The following NASP variants were observed in gnomAD, a reference collection of about 807,000 sequenced individuals.
NASP encodes nuclear autoantigenic sperm protein, also known as NASP histone chaperone.
In NASP, 24 loss-of-function variants were observed where a neutral mutation model predicts 89.5. The ratio of observed to expected loss-of-function variants is 0.27; its 90% confidence interval spans 0.19 to 0.38. The LOEUF (loss-of-function observed/expected upper bound fraction) is 0.38. NASP is among the 10% of genes least tolerant of loss of function. The pLI, the probability that NASP is intolerant of heterozygous loss-of-function variation, is 1.00. For synonymous variants in NASP, 306 were observed against 324.7 expected (o/e 0.94, Z 0.62); for missense variants, 848 against 921.4 (o/e 0.92, Z 1.03).
At chr1:45,614,809 T>C (rs1644074722) in intron 9 of NASP, among the ~76,000 whole-genome samples, 1 of 152,188 alleles carries the variant, frequency 6.6e-6, no homozygotes, top group African/African-American at 2.4e-5. Context: ...AGTGCTGGGA[T>C]TACAGGTGTG....
At position 45,587,661 on chromosome 1, in the gene NASP, C is replaced by CATATATATATATATATATATATATATAT. The variant is rs1553169239; in HGVS notation, c.59+3483_59+3484insTATATATATATATATATATATATATATA. ...CTATGAGGTTTGTCTTGAGTTTTTTCATATATATATATATATATATATATA... is the reference window on the plus strand; with the variant it reads ...CTATGAGGTTTGTCTTGAGTTTTTTCATATATATATATATATATATATATATATATATATATATATATATATATATATA... On this transcript the variant is annotated intron_variant, in intron 1 of 14. Transcript: ENST00000350030. 1.3e-3 allele frequency among the ~76,000 whole-genome samples: 8 copies of CATATATATATATATATATATATATATAT among 6,388 alleles called. 2 individuals are homozygous for CATATATATATATATATATATATATATAT. The highest frequency in any genetic ancestry group is 3.6e-3 in the African/African-American group (5 of 1,380). The allele number at this position is 6,388 out of a possible 152,430, so 4.2% of individuals were successfully genotyped here.
At chr1:45,594,029 CA>C (rs1164374375) in intron 2 of NASP, among the ~76,000 whole-genome samples, 36 of 139,452 alleles carry the variant, frequency 2.6e-4, no homozygotes, top group Admixed American at 3.6e-4. Flanking sequence ...ACCCTGTCTC[CA>C]AAAAAAAAAG....
At chr1:45,589,475 C>T (rs1173766325) in intron 1 of NASP, among the ~76,000 whole-genome samples, 3 of 152,148 alleles carry the variant, frequency 2.0e-5, no homozygotes, top group Non-Finnish European at 2.9e-5. Context: ...CAAGTAATTT[C>T]CCTATCATTT....
chr1:45,613,122 A>G (rs1310856018), intron 6 of NASP, 47 bp from the exon 7 acceptor site: 16 of 1,575,278 alleles, frequency 1.0e-5, no homozygotes, highest in Non-Finnish European at 1.1e-5. Context: ...ACTAGTCAGA[A>G]TACGTTCTTA....
intron 2 of NASP, 78 bp from the exon 3 acceptor site, chr1:45,602,175 CTA>C: frequency 6.7e-7 from 1 of 1,503,576 alleles, no homozygotes; most frequent in Non-Finnish European, 8.9e-7. Flanking sequence ...AAAAATGAAA[CTA>C]TTGCTCAAAT....
At chr1:45,594,384 T>C (rs1011688524) in intron 2 of NASP, among the ~76,000 whole-genome samples, 1 of 151,910 alleles carries the variant, frequency 6.6e-6, no homozygotes, top group Admixed American at 6.6e-5. Context: ...TTGGGTGGTA[T>C]GAATACTGAA....
At chr1:45,586,396 C>T (rs1459639432) in intron 1 of NASP, among the ~76,000 whole-genome samples, 2 of 151,348 alleles carry the variant, frequency 1.3e-5, no homozygotes, top group African/African-American at 4.8e-5. Context: ...AGTGATTGTC[C>T]GGCCTCAGCC....
At chr1:45,615,578 G>A (rs1034398736) in intron 11 of NASP, 107 bp downstream of exon 11, 2 of 1,054,490 alleles carry the variant, frequency 1.9e-6, no homozygotes, top group African/African-American at 1.6e-5. Context: ...GAGTTGGTGG[G>A]CTCATCTAAT....
chr1:45,608,132 C>T lies in NASP; in HGVS notation c.1221C>T (p.Gly407=). 6.2e-7 allele frequency: 1 copy of T among 1,614,050 alleles called. No homozygotes were observed. The highest frequency in any genetic ancestry group is 2.2e-5 in the East Asian group (1 of 44,890). Residue 407 remains glycine (G), a synonymous_variant, in exon 6 of 15, where the codon GGC becomes GGT. Coordinates refer to ENST00000350030, the MANE Select transcript of NASP (RefSeq NM_002482.4). ...SIERLTETKD[G]SGLEEKVRAK... ...AAAGACTGACAGAAACAAAAGATGG[C>T]TCAGGACTAGAGGAGAAGGTCAGGG...
intron 3 of NASP, 161 bp from the exon 4 acceptor site, chr1:45,604,775 T>C (rs1643888370): frequency 1.7e-6 from 1 of 572,044 alleles, no homozygotes; most frequent in African/African-American, 1.9e-5. Context: ...ATACAAAATT[T>C]TCATGCATTG....
chr1:45,605,115 A>G lies in NASP; in HGVS notation c.299+99A>G, dbSNP rs537694476. ...TAAGCAAGATTGGTTTTACCTAGAG[A>G]GTTTTGAAGGAGCTTGAAGTAGTGA... On this transcript the variant is annotated intron_variant, in intron 4 of 14. Transcript: ENST00000350030. The G allele has an allele frequency of 1.2e-5, 11 of 904,158 alleles. No individual in the cohort carries two copies. The East Asian group carries it at 2.2e-4, about 18-fold the overall frequency. The allele number at this position is 904,158 out of a possible 1,614,324, so 56.0% of individuals were successfully genotyped here.
intron 6 of NASP, chr1:45,611,949 C>T (rs1474836456): frequency 2.0e-5 from 3 of 150,540 alleles, no homozygotes; most frequent in African/African-American, 7.4e-5. Context: ...CAAGCTCCAC[C>T]TCCTGGGTTC....
intron 4 of NASP, 36 bp downstream of exon 4, chr1:45,605,052 G>C (rs377112589): frequency 6.1e-6 from 9 of 1,477,084 alleles, no homozygotes; most frequent in Non-Finnish European, 5.7e-6. Flanking sequence ...AAGTTTCCTT[G>C]TTAAGATTGT....
At chr1:45,604,868 G>A in intron 3 of NASP, 68 bp from the exon 4 acceptor site, 1 of 1,189,926 alleles carries the variant, frequency 8.4e-7, no homozygotes, top group Non-Finnish European at 1.2e-6. Context: ...ATTTATAACT[G>A]AAGAACTAGA....
At chr1:45,614,036 T>C (rs369578429) in intron 7 of NASP, 60 bp from the exon 8 acceptor site, 9 of 1,327,712 alleles carry the variant, frequency 6.8e-6, no homozygotes, top group South Asian at 3.7e-5. Context: ...CGCTAAGTTA[T>C]ACATTTAGAT....
chr1:45,599,953 A>ATTTTTTTTTTTTTTTTTTTTTTTTTTTT (rs11302173), intron 2 of NASP, among the ~76,000 whole-genome samples: 1 of 79,074 alleles, frequency 1.3e-5, no homozygotes, highest in Non-Finnish European at 2.4e-5. Flanking sequence ...TTTCCTCTGT[A>ATTTTTTTTTTTTTTTTTTTTTTTTTTTT]TTTTTTTTTT....
chr1:45,607,343 A>T lies in NASP; in HGVS notation c.432A>T (p.Arg144Ser). ...TAGAGGAAGCAAGGGAAGAGTTGAG[A>T]GAACAGGTTTATGACGCCATGGGAG... ...NIDEEAREEL[R>S]EQVYDAMGEK... is the part of the protein sequence containing the mutation. The change falls in exon 6 of 15, where the codon AGA (arginine) becomes AGT (serine). Residue 144 changes from arginine (R) to serine (S), a missense_variant. Arg to Ser is a moderately radical substitution (Grantham distance 110). Coordinates refer to ENST00000350030, the MANE Select transcript of NASP (RefSeq NM_002482.4). 6.2e-7 allele frequency: 1 copy of T among 1,614,066 alleles called. No homozygotes were observed. The highest frequency in any genetic ancestry group is 8.5e-7 in the Non-Finnish European group (1 of 1,179,960).
At position 45,599,307 on chromosome 1, in the gene NASP, C is replaced by G. The variant is rs149920603; in HGVS notation, c.108-2948C>G. 5.3e-5 allele frequency among the ~76,000 whole-genome samples: 8 copies of G among 152,128 alleles called. No homozygotes were observed. In the East Asian group the frequency reaches 1.5e-3, roughly 29 times the overall value. On this transcript the variant is annotated intron_variant, in intron 2 of 14. Coordinates refer to ENST00000350030, the MANE Select transcript of NASP (RefSeq NM_002482.4). ...TGATGTCAGCTAATTTTTGTATTTT[C>G]CTATAGAGATGCTAGTCTCTAACTC...
chr1:45,616,301 ATCTT>A (rs777330962), intron 11 of NASP, 32 bp from the exon 12 acceptor site: 31 of 1,606,186 alleles, frequency 1.9e-5, no homozygotes, highest in Non-Finnish European at 2.6e-5. Flanking sequence ...CCTGGGTTCT[ATCTT>A]CAAACTAATT....
Sources: gnomAD v4.1 joint callset for allele counts (sites outside exome capture counted in the v4.1 genomes callset) on GRCh38, gnomAD v4.1.1 for gene constraint, MANE v1.5 for transcripts, NCBI Gene and HGNC (gene_info 2026-07-23, HGNC 2026-07-21) for gene names.